The following ZNF423 variants were observed in gnomAD, a reference collection of about 807,000 sequenced individuals.
The protein encoded by ZNF423 is zinc finger protein 423.
A neutral mutation model predicts 95.8 loss-of-function variants in ZNF423; 12 were observed. The observed-to-expected ratio is 0.13, with a 90% CI of 0.08 to 0.20. The LOEUF (loss-of-function observed/expected upper bound fraction) is 0.20. Ranked by LOEUF, ZNF423 falls within the 10% of genes least tolerant of loss-of-function variation. The probability of loss-of-function intolerance (pLI) is 1.00; values close to 1 mark genes in which losing one functional copy is unlikely to be tolerated. For missense variants in ZNF423, 1,316 were observed against 1,737.1 expected (o/e 0.76, Z 4.31); for synonymous variants, 749 against 711.9 (o/e 1.05, Z -0.83).
intron 3 of ZNF423, among the ~76,000 whole-genome samples, chr16:49,685,623 T>G (rs2031534308): frequency 6.6e-6 from 1 of 152,048 alleles, no homozygotes; most frequent in Non-Finnish European, 1.5e-5. Context: ...TCTCCAAAAT[T>G]TAATCCATTT....
At chr16:49,525,274 G>A in intron 6 of ZNF423, 89 bp downstream of exon 6, 1 of 1,558,146 alleles carries the variant, frequency 6.4e-7, no homozygotes, top group Non-Finnish European at 8.7e-7. Context: ...CAAGGAAAGA[G>A]GAAGAGCACA....
chr16:49,635,159 G>A lies in ZNF423; in HGVS notation c.3516+501C>T, dbSNP rs551227154. On this transcript the variant is annotated intron_variant, in intron 4 of 7. Transcript: ENST00000563137. The surrounding 1 kb of genome is among the most constrained non-coding windows in gnomAD (Gnocchi z 4.8). ...ACTGAGCCATGAGTGCTGGGCTCTCGGCCCCTTGTGTGTGTGTGATCTCTA... is the reference window on the plus strand; with the variant it reads ...ACTGAGCCATGAGTGCTGGGCTCTCAGCCCCTTGTGTGTGTGTGATCTCTA... 3.0e-4 allele frequency among the ~76,000 whole-genome samples: 45 copies of A among 152,112 alleles called. No individual in the cohort carries two copies. Among genetic ancestry groups the A allele is most frequent in the Non-Finnish European group, 5.4e-4 (37 of 68,024 alleles).
At chr16:49,627,044 CCAATAGACCCAT>C in intron 4 of ZNF423, among the ~76,000 whole-genome samples, 1 of 100,062 alleles carries the variant, frequency 1.0e-5, no homozygotes, top group Non-Finnish European at 1.9e-5. Context: ...TATACACCCA[CCAATAGACCCAT>C]CCATCCATCC....
chr16:49,586,061 G>A (rs1970820942), intron 5 of ZNF423, among the ~76,000 whole-genome samples: 1 of 152,046 alleles, frequency 6.6e-6, no homozygotes, highest in Non-Finnish European at 1.5e-5. Context: ...CTCCCAGAAC[G>A]CTAACCTGGC....
intron 7 of ZNF423, among the ~76,000 whole-genome samples, chr16:49,498,864 G>T (rs1967268296): frequency 6.6e-6 from 1 of 152,182 alleles, no homozygotes; most frequent in African/African-American, 2.4e-5. Context: ...AGGCTCATAT[G>T]TTCGCTAGTT....
chr16:49,724,101 T>C (rs185789318), intron 3 of ZNF423, among the ~76,000 whole-genome samples: 201 of 152,314 alleles, frequency 1.3e-3, no homozygotes, highest in Non-Finnish European at 2.0e-3. Context: ...TTGGAGGAAA[T>C]TGGCATATTT....
rs532834283 is a variant in ZNF423, at chr16:49,623,280, C to T, written c.3601+2890G>A. Among the ~76,000 whole-genome samples the T allele has an allele frequency of 2.8e-4, 42 of 152,324 alleles. 2 individuals are homozygous for T. In the South Asian group the frequency reaches 7.9e-3, roughly 29 times the overall value. On this transcript the variant is annotated intron_variant, in intron 5 of 7. Coordinates refer to ENST00000563137, the MANE Select transcript of ZNF423 (RefSeq NM_001379286.1). ...GACCTGTCCAGCCCCCCAGCCAAGG[C>T]GCCTTCCCTCAGAAGCCCGGCCCAC...
intron 1 of ZNF423, among the ~76,000 whole-genome samples, chr16:49,833,649 C>T (rs561207138): frequency 6.6e-6 from 1 of 151,790 alleles, no homozygotes; most frequent in East Asian, 1.9e-4. Flanking sequence ...GAAAAGGTTC[C>T]CAGAAGACGG....
At position 49,791,285 on chromosome 16, in the gene ZNF423, A is replaced by G. The variant is rs192512282; in HGVS notation, c.41-1739T>C. On this transcript the variant is annotated intron_variant, in intron 1 of 7. Transcript: ENST00000563137. ...GGTGGGTTTTCAAATGTGCAGCTTTATAAATAGCAATCAAGACCTCGTGTC... is the reference window on the plus strand; with the variant it reads ...GGTGGGTTTTCAAATGTGCAGCTTTGTAAATAGCAATCAAGACCTCGTGTC... Among the ~76,000 whole-genome samples the G allele has an allele frequency of 7.2e-5, 11 of 152,330 alleles. No homozygotes were observed. The East Asian group carries it at 1.7e-3, about 24-fold the overall frequency.
intron 4 of ZNF423, among the ~76,000 whole-genome samples, chr16:49,627,047 A>G (rs1473977829): frequency 2.1e-5 from 2 of 97,336 alleles, no homozygotes; most frequent in South Asian, 5.0e-4. Flanking sequence ...ACACCCACCA[A>G]TAGACCCATC....
chr16:49,556,151 C>T (rs1969819533), intron 5 of ZNF423, among the ~76,000 whole-genome samples: 1 of 152,160 alleles, frequency 6.6e-6, no homozygotes, highest in African/African-American at 2.4e-5. Flanking sequence ...CAACTGTGGA[C>T]AGTAGAGAAT....
intron 3 of ZNF423, among the ~76,000 whole-genome samples, chr16:49,707,024 AC>A (rs1414778211): frequency 1.3e-5 from 2 of 151,958 alleles, no homozygotes; most frequent in African/African-American, 4.8e-5. Context: ...CCTTCTGCTG[AC>A]CTCTTCCAAT....
chr16:49,514,614 G>A (rs1051012324), intron 7 of ZNF423, among the ~76,000 whole-genome samples: 29 of 152,110 alleles, frequency 1.9e-4, no homozygotes, highest in African/African-American at 1.9e-4. Flanking sequence ...AAAGGGCTCC[G>A]GGTTGCTTGT....
intron 1 of ZNF423, among the ~76,000 whole-genome samples, chr16:49,853,063 G>A (rs2035318976): frequency 6.6e-6 from 1 of 152,178 alleles, no homozygotes; most frequent in South Asian, 2.1e-4. Context: ...TTACAGTCAA[G>A]CGACTTTCAC....
intron 2 of ZNF423, among the ~76,000 whole-genome samples, chr16:49,761,008 A>G (rs1327900572): frequency 6.6e-6 from 1 of 151,230 alleles, no homozygotes; most frequent in Admixed American, 6.6e-5. Context: ...ACATATATAC[A>G]CATAAACACA....
chr16:49,581,724 G>A (rs768342971), intron 5 of ZNF423, among the ~76,000 whole-genome samples: 2 of 152,058 alleles, frequency 1.3e-5, no homozygotes, highest in Admixed American at 6.5e-5. Flanking sequence ...TAATATTTTC[G>A]TTTCCCCGTT....
chr16:49,841,945 A>G (rs1160192751), intron 1 of ZNF423, among the ~76,000 whole-genome samples: 1 of 152,156 alleles, frequency 6.6e-6, no homozygotes, highest in Admixed American at 6.5e-5. Flanking sequence ...TCAGAAGAAG[A>G]AAGAAAAATG....
At chr16:49,774,418 G>A (rs1017799080) in intron 2 of ZNF423, among the ~76,000 whole-genome samples, 11 of 152,122 alleles carry the variant, frequency 7.2e-5, no homozygotes, top group Admixed American at 7.2e-4. Flanking sequence ...AGGGGGAGGT[G>A]GGCAGGAGAG....
chr16:49,617,980 T>C (rs1971931971), intron 5 of ZNF423, among the ~76,000 whole-genome samples: 1 of 152,226 alleles, frequency 6.6e-6, no homozygotes, highest in African/African-American at 2.4e-5. Context: ...CCAGATGTTC[T>C]CACCATCTAT....
Sources: gnomAD v4.1 joint callset for allele counts (sites outside exome capture counted in the v4.1 genomes callset) on GRCh38, gnomAD v4.1.1 for gene constraint, Gnocchi (gnomAD v3.1) non-coding constraint, MANE v1.5 for transcripts, NCBI Gene and HGNC (gene_info 2026-07-23, HGNC 2026-07-21) for gene names.